The following BTRC variants were observed in gnomAD, a reference collection of about 807,000 sequenced individuals.
The protein encoded by BTRC is beta-transducin repeat containing E3 ubiquitin protein ligase, also known as F-box/WD repeat-containing protein 1A.
BTRC carries 42 observed loss-of-function variants against 85.5 expected under a neutral mutation model. That is an observed-to-expected ratio of 0.49 (90% CI 0.38 to 0.64). The LOEUF is 0.64. BTRC is among the 30% of genes least tolerant of loss of function. The pLI is 0.00. For synonymous variants in BTRC, 255 were observed against 263.3 expected (o/e 0.97, Z 0.30); for missense variants, 594 against 743.5 (o/e 0.80, Z 2.34).
intron 4 of BTRC, 63 bp downstream of exon 4, chr10:101,479,520 A>C: frequency 7.7e-7 from 1 of 1,303,410 alleles, no homozygotes; most frequent in Admixed American, 1.7e-5. Context: ...ATCTGTAGGC[A>C]TCTTTACTCA....
At chr10:101,499,342 T>G (rs1564809128) in intron 4 of BTRC, among the ~76,000 whole-genome samples, 1 of 151,852 alleles carries the variant, frequency 6.6e-6, no homozygotes, top group Admixed American at 6.6e-5. Flanking sequence ...GCTCAAGCAA[T>G]TCTCGTGAGT....
chr10:101,436,752 T>C (rs1342966663), intron 2 of BTRC, among the ~76,000 whole-genome samples: 1 of 152,174 alleles, frequency 6.6e-6, no homozygotes, highest in East Asian at 1.9e-4. Flanking sequence ...AACGTGATAT[T>C]TTAACATTAG....
chr10:101,449,274 G>A (rs1331725824), intron 2 of BTRC, among the ~76,000 whole-genome samples: 1 of 151,254 alleles, frequency 6.6e-6, no homozygotes, highest in Non-Finnish European at 1.5e-5. Context: ...AAGTCATTTA[G>A]CAAAAAGAAA....
chr10:101,363,667 C>T (rs1406160949), intron 1 of BTRC, among the ~76,000 whole-genome samples: 4 of 152,024 alleles, frequency 2.6e-5, no homozygotes, highest in African/African-American at 9.7e-5. Context: ...AGGTGTGAGC[C>T]ACTGTGCCTG....
chr10:101,392,657 A>G (rs1205803909), intron 1 of BTRC, among the ~76,000 whole-genome samples: 4 of 151,782 alleles, frequency 2.6e-5, no homozygotes, highest in African/African-American at 9.7e-5. Flanking sequence ...CCACCACCAC[A>G]CCTGGCTAAT....
intron 13 of BTRC, among the ~76,000 whole-genome samples, chr10:101,544,724 C>T (rs1341884922): frequency 2.0e-5 from 3 of 152,060 alleles, no homozygotes; most frequent in Middle Eastern, 3.2e-3. Flanking sequence ...AAAAAGTTTT[C>T]GTTTTGCCTT....
chr10:101,486,263 A>T (rs947407488), intron 4 of BTRC, among the ~76,000 whole-genome samples: 2 of 152,206 alleles, frequency 1.3e-5, no homozygotes, highest in Non-Finnish European at 2.9e-5. Context: ...CAATTTCCCA[A>T]TAAACTCTGA....
At chr10:101,410,209 A>T (rs1013392943) in intron 1 of BTRC, among the ~76,000 whole-genome samples, 1 of 152,114 alleles carries the variant, frequency 6.6e-6, no homozygotes, top group Non-Finnish European at 1.5e-5. Context: ...ATATATCTGG[A>T]TGGCTGCTTT....
intron 2 of BTRC, among the ~76,000 whole-genome samples, chr10:101,461,545 GA>G (rs1945226066): frequency 6.6e-6 from 1 of 152,204 alleles, no homozygotes; most frequent in Admixed American, 6.5e-5. Flanking sequence ...AATCTGAGAA[GA>G]GGGGGAAGAG....
At chr10:101,550,621 T>C in intron 13 of BTRC, 78 bp from the exon 14 acceptor site, 1 of 1,478,112 alleles carries the variant, frequency 6.8e-7, no homozygotes, top group Non-Finnish European at 9.3e-7. Context: ...GTAGACTCCT[T>C]TTGACATGTT....
intron 3 of BTRC, among the ~76,000 whole-genome samples, chr10:101,471,899 T>G (rs1945534702): frequency 6.6e-6 from 1 of 152,230 alleles, no homozygotes; most frequent in African/African-American, 2.4e-5. Context: ...TTAATATCTT[T>G]TATTTTAATA....
intron 1 of BTRC, among the ~76,000 whole-genome samples, chr10:101,409,600 C>T (rs1943721783): frequency 6.6e-6 from 1 of 152,078 alleles, no homozygotes; most frequent in Non-Finnish European, 1.5e-5. Flanking sequence ...CCCAGGCTAC[C>T]TGGACAGCAT....
At chr10:101,506,568 T>C (rs1418458614) in intron 4 of BTRC, among the ~76,000 whole-genome samples, 1 of 152,170 alleles carries the variant, frequency 6.6e-6, no homozygotes, top group African/African-American at 2.4e-5. Flanking sequence ...CTTGGTAGTG[T>C]TGGTTATAAA....
chr10:101,475,078 A>G (rs1305371050), intron 3 of BTRC, among the ~76,000 whole-genome samples: 1 of 152,226 alleles, frequency 6.6e-6, no homozygotes, highest in Non-Finnish European at 1.5e-5. Context: ...GTGGAATTAG[A>G]CAACGCAAAA....
intron 1 of BTRC, among the ~76,000 whole-genome samples, chr10:101,363,619 C>T (rs1219537621): frequency 3.3e-5 from 5 of 151,914 alleles, no homozygotes; most frequent in Admixed American, 1.3e-4. Context: ...CCACCACGCC[C>T]GGCTAAGTTT....
chr10:101,354,252 G>A (rs750493005), intron 1 of BTRC, 24 bp downstream of exon 1: 1 of 1,548,382 alleles, frequency 6.5e-7, no homozygotes, highest in Non-Finnish European at 8.7e-7. Context: ...GGAGGCCGGG[G>A]AACGGTGGAG....
chr10:101,478,972 C>G (rs1367067090), intron 3 of BTRC, among the ~76,000 whole-genome samples: 5 of 150,806 alleles, frequency 3.3e-5, no homozygotes, highest in Admixed American at 1.3e-4. Context: ...AACATGCCCT[C>G]TAACTACCTT....
chr10:101,437,963 G>A (rs994868998), intron 2 of BTRC, among the ~76,000 whole-genome samples: 1 of 152,068 alleles, frequency 6.6e-6, no homozygotes, highest in Non-Finnish European at 1.5e-5. Context: ...CTTTATCTTT[G>A]CTCTCTTAAA....
chr10:101,414,386 G>T (rs1254776285), intron 1 of BTRC, among the ~76,000 whole-genome samples: 1 of 152,142 alleles, frequency 6.6e-6, no homozygotes, highest in African/African-American at 2.4e-5. Flanking sequence ...TGATACTGGT[G>T]TAAATGAACC....
Sources: allele counts gnomAD v4.1 joint callset (sites outside exome capture counted in the v4.1 genomes callset), GRCh38; gene constraint gnomAD v4.1.1; transcripts MANE v1.5; gene names NCBI Gene and HGNC (gene_info 2026-07-23, HGNC 2026-07-21).